ANO7: variants seen among roughly 807,000 people sequenced by gnomAD.
ANO7 encodes the protein anoctamin 7, also known as anoctamin-7.
Under a neutral mutation model 115.8 loss-of-function variants are expected in ANO7, and 114 were observed. The ratio of observed to expected loss-of-function variants is 0.98; its 90% CI spans 0.85 to 1.15. The LOEUF (loss-of-function observed/expected upper bound fraction) is 1.15, where lower values mean the gene tolerates loss of function less well. Ranked by LOEUF, ANO7 falls within the 50% of genes most tolerant of loss-of-function variation. ANO7 has a pLI of 0.00. For missense variants in ANO7, 1,302 were observed against 1,201.2 expected (o/e 1.08, Z -1.24); for synonymous variants, 550 against 498.2 (o/e 1.10, Z -1.38).
chr2:241,223,866 C>G, intron 23 of ANO7, 39 bp from the exon 24 acceptor site: 1 of 1,614,060 alleles, frequency 6.2e-7, no homozygotes, highest in Non-Finnish European at 8.5e-7. Flanking sequence ...GACACTGAGT[C>G]ACATCCCTCT....
chr2:241,203,455 C>T lies in ANO7; in HGVS notation c.846C>T (p.Arg282=). 3 of 1,574,274 alleles carry T rather than the reference C, an allele frequency of 1.9e-6. No individual in the cohort carries two copies. The highest frequency in any genetic ancestry group is 2.6e-6 in the Non-Finnish European group (3 of 1,161,524). The change falls in exon 9 of 25, where the codon CGC becomes CGT. Residue 282 remains arginine, a synonymous_variant. Transcript: ENST00000674324. This position sits in a 1 kb window ranked among gnomAD's most constrained non-coding sequence, Gnocchi z 4.8. The stretch of plus-strand genomic sequence containing the variant: ...AGTACCAGCCCCTGGACCACGTGCG[C>T]AGGTACTTCGGGGAGAAGGTGGCCC... The part of the protein sequence containing the change: ...WNKYQPLDHV[R]RYFGEKVALY...
chr2:241,218,471 G>T (rs1195700442), intron 21 of ANO7, 90 bp downstream of exon 21: 1 of 1,158,286 alleles, frequency 8.6e-7, no homozygotes, highest in Non-Finnish European at 1.1e-6. Flanking sequence ...GCGGTGGGGA[G>T]CCGGGAGGGG....
chr2:241,188,895 C>A lies in ANO7; in HGVS notation c.-8+129C>A. ...GGCCTGTGGGGAGGCAGTGCCAGGGCCCGCCCTGGTCCCCAAAGCCCCTTG... is the reference window on the plus strand; with the variant it reads ...GGCCTGTGGGGAGGCAGTGCCAGGGACCGCCCTGGTCCCCAAAGCCCCTTG... On this transcript the variant is annotated intron_variant, in intron 1 of 24. Transcript: ENST00000674324. The surrounding 1 kb of genome is among the most constrained non-coding windows in gnomAD (Gnocchi z 4.3). 7.9e-7 allele frequency: 1 copy of A among 1,263,602 alleles called. No individual in the cohort carries two copies. The highest frequency in any genetic ancestry group is 1.1e-6 in the Non-Finnish European group (1 of 933,764). 78.3% of individuals were successfully genotyped at this position (1,263,602 alleles called of 1,614,324 possible). A position where few individuals can be genotyped will look rare whatever the true frequency, so the allele number is the denominator to read the frequency against.
At chr2:241,208,113 C>T (rs568854143) in intron 11 of ANO7, among the ~76,000 whole-genome samples, 16 of 152,188 alleles carry the variant, frequency 1.1e-4, no homozygotes, top group Admixed American at 2.0e-4. Context: ...CTGGGTCTGT[C>T]CACCTTCCCA....
intron 11 of ANO7, 36 bp from the exon 12 acceptor site, chr2:241,209,249 C>A: frequency 6.5e-7 from 1 of 1,533,600 alleles, no homozygotes; most frequent in Non-Finnish European, 8.8e-7. Context: ...GCCTCCAGTC[C>A]CAAGCAAGTC....
In ANO7 at chr2:241,225,573, G is replaced by A. The variant is rs2069141808; in HGVS notation, c.*1420G>A. Reference sequence around the variant, plus strand: ...ATATGTGGTTTTAATGTGCTTTGATGAGTACTGCCAAACTTACTCCACAGA... The same window carrying A: ...ATATGTGGTTTTAATGTGCTTTGATAAGTACTGCCAAACTTACTCCACAGA... On this transcript the variant is annotated 3_prime_UTR_variant, in exon 25 of 25. Transcript: ENST00000674324. 6.6e-6 allele frequency among the ~76,000 whole-genome samples: 1 copy of A among 152,212 alleles called. No individual in the cohort carries two copies. Among genetic ancestry groups the A allele is most frequent in the Non-Finnish European group, 1.5e-5 (1 of 68,040 alleles).
chr2:241,223,236 A>C lies in ANO7; in HGVS notation c.2372A>C (p.Asn791Thr), dbSNP rs768506930. 130 of 1,614,100 alleles carry C rather than the reference A, an allele frequency of 8.1e-5. No homozygotes were observed. Among genetic ancestry groups the C allele is most frequent in the Non-Finnish European group, 1.1e-4 (127 of 1,180,044 alleles). Reference protein sequence around the residue: ...DDGHYSQTYWNLLAIRLAFVI... With the variant: ...DDGHYSQTYWTLLAIRLAFVI... Reference sequence around the variant, plus strand: ...GGACATTATTCCCAGACCTACTGGAATCTTCTTGCCATCCGCCTGGCCTTC... The same window carrying C: ...GGACATTATTCCCAGACCTACTGGACTCTTCTTGCCATCCGCCTGGCCTTC... The change falls in exon 22 of 25, where the codon AAT becomes ACT. Residue 791 changes from asparagine to threonine, a missense_variant. Transcript: ENST00000674324.
At chr2:241,209,941 C>A (rs946890094) in intron 13 of ANO7, among the ~76,000 whole-genome samples, 1 of 152,156 alleles carries the variant, frequency 6.6e-6, no homozygotes, top group African/African-American at 2.4e-5. Flanking sequence ...TTCACTGCAC[C>A]CTGTCTTGCC....
chr2:241,233,208 C>A, the ANO7 span, among the ~76,000 whole-genome samples: 1 of 152,154 alleles, frequency 6.6e-6, no homozygotes, highest in Non-Finnish European at 1.5e-5. This position sits in a 1 kb window ranked among gnomAD's most constrained non-coding sequence, Gnocchi z 4.3. Flanking sequence ...AAAGACCAAG[C>A]CTGGGAAGTG....
At chr2:241,209,449 C>A (rs1432570969) in intron 12 of ANO7, 21 bp downstream of exon 12, 6 of 1,599,946 alleles carry the variant, frequency 3.8e-6, no homozygotes, top group Non-Finnish European at 5.1e-6. Context: ...CCCGCTGGAC[C>A]ACGGTCACAC....
chr2:241,217,162 G>A (rs763061426), intron 19 of ANO7, among the ~76,000 whole-genome samples: 6 of 152,224 alleles, frequency 3.9e-5, no homozygotes, highest in Non-Finnish European at 8.8e-5. Flanking sequence ...AAGCGGGCAT[G>A]TGAGCCGGCA....
intron 10 of ANO7, among the ~76,000 whole-genome samples, chr2:241,206,933 C>A (rs2068605620): frequency 7.7e-6 from 1 of 129,792 alleles, no homozygotes. Context: ...GGAGTGCTCC[C>A]AGTCTGACAG....
intron 4 of ANO7, among the ~76,000 whole-genome samples, chr2:241,198,118 C>A (rs777374144): frequency 2.0e-4 from 30 of 152,166 alleles, no homozygotes; most frequent in Non-Finnish European, 1.0e-4. Context: ...GTTAGTCCTG[C>A]GTCCGACTCC....
chr2:241,224,419 ACC>A lies in ANO7; in HGVS notation c.*268_*269del. 2.0e-6 allele frequency: 1 copy of A among 488,320 alleles called. No homozygotes were observed. Among genetic ancestry groups the A allele is most frequent in the Non-Finnish European group, 3.7e-6 (1 of 268,602 alleles). The allele number at this position is 488,320 out of a possible 1,614,324, so 30.2% of individuals were successfully genotyped here. On this transcript the variant is annotated 3_prime_UTR_variant, in exon 25 of 25. Coordinates refer to ENST00000674324, the MANE Select transcript of ANO7 (RefSeq NM_001370694.2). ...AGACATAAGCCCAAGGGGCCCCTGCACCCAAGGGACCCTGTCCCTCGGTGGCC... is the reference window on the plus strand; with the variant it reads ...AGACATAAGCCCAAGGGGCCCCTGCACAAGGGACCCTGTCCCTCGGTGGCC...
chr2:241,230,827 G>A, downstream of ANO7: 1 of 1,614,212 alleles, frequency 6.2e-7, no homozygotes. The surrounding 1 kb of genome is among the most constrained non-coding windows in gnomAD (Gnocchi z 5.0). Context: ...TGAACGCGGT[G>A]GTCCAGCGGG....
intron 21 of ANO7, 65 bp from the exon 22 acceptor site, chr2:241,223,121 C>G: frequency 6.9e-7 from 1 of 1,453,560 alleles, no homozygotes; most frequent in Non-Finnish European, 9.6e-7. Context: ...AGGCTAATTC[C>G]AGAGGCACCT....
chr2:241,207,488 G>A, intron 10 of ANO7, 86 bp from the exon 11 acceptor site: 1 of 1,036,896 alleles, frequency 9.6e-7, no homozygotes. Context: ...ACAAGGGAGA[G>A]AGAGGACAAG....
Position 241,223,584 on chromosome 2 carries a change from C to T in ANO7, c.2413-78C>T, listed in dbSNP as rs906425360. On this transcript the variant is annotated intron_variant, in intron 22 of 24. Coordinates refer to ENST00000674324, the MANE Select transcript of ANO7 (RefSeq NM_001370694.2). Reference sequence around the variant, plus strand: ...TCCACCCACAGCTGGGAGCAGGTGCCGGAGCCCCGGCCTGCCTGGCCCTGT... The same window carrying T: ...TCCACCCACAGCTGGGAGCAGGTGCTGGAGCCCCGGCCTGCCTGGCCCTGT... The T allele has an allele frequency of 1.2e-4, 195 of 1,564,800 alleles. 3 individuals are homozygous for T. In the South Asian group the frequency reaches 1.8e-3, roughly 14 times the overall value.
intron 4 of ANO7, chr2:241,196,057 CACTCAG>C: frequency 1.4e-6 from 2 of 1,427,816 alleles, no homozygotes; most frequent in East Asian, 2.5e-5. Flanking sequence ...CCCTCCTGCA[CACTCAG>C]CTCTCTCATG....
Sources: allele counts gnomAD v4.1 joint callset (sites outside exome capture counted in the v4.1 genomes callset), GRCh38; gene constraint gnomAD v4.1.1; non-coding constraint Gnocchi (gnomAD v3.1); transcripts MANE v1.5; gene names NCBI Gene and HGNC (gene_info 2026-07-23, HGNC 2026-07-21).